ACBD5: variants seen among roughly 807,000 people sequenced by gnomAD.
ACBD5 encodes the protein acyl-CoA-binding domain-containing protein 5.
A neutral mutation model predicts 71.8 loss-of-function variants in ACBD5; 40 were observed. That is an observed-to-expected ratio of 0.56 (90% confidence interval 0.43 to 0.72). The LOEUF (loss-of-function observed/expected upper bound fraction) is 0.72, where lower values mean the gene tolerates loss of function less well. Among genes scored for constraint, ACBD5 ranks in the 30% least tolerant of loss-of-function variants. ACBD5 has a pLI of 0.00. For missense variants in ACBD5, 559 were observed against 644.5 expected, an observed-to-expected ratio of 0.87 and a Z score of 1.44; for synonymous variants, 229 against 218.6, an observed-to-expected ratio of 1.05 and a Z score of -0.42.
Position 27,210,806 on chromosome 10 carries a change from A to G in ACBD5, c.1204+8T>C. On this transcript the variant is annotated splice_region_variant and intron_variant, in intron 9 of 12. Transcript: ENST00000396271. ...TAAAGGTGAGGGAAGAAAAAAGGTAATCCACACCTCTTCCTCTTCTAACAT... is the reference window on the plus strand; with the variant it reads ...TAAAGGTGAGGGAAGAAAAAAGGTAGTCCACACCTCTTCCTCTTCTAACAT... 6.2e-7 allele frequency: 1 copy of G among 1,614,076 alleles called. No individual in the cohort carries two copies. The highest frequency in any genetic ancestry group is 8.5e-7 in the Non-Finnish European group (1 of 1,179,962).
rs984076972 is a variant in ACBD5 at position 27,195,560 on chromosome 10, C to T, written c.*1870G>A. 2.7e-5 allele frequency: 12 copies of T among 450,322 alleles called. 1 individual carries two copies. Among genetic ancestry groups the T allele is most frequent in the African/African-American group, 1.2e-4 (6 of 49,858 alleles). The allele number at this position is 450,322 out of a possible 1,614,324, so 27.9% of individuals were successfully genotyped here. On this transcript the variant is annotated 3_prime_UTR_variant, in exon 13 of 13. Coordinates refer to ENST00000396271, the MANE Select transcript of ACBD5 (RefSeq NM_145698.5). ...CTTTTTACTGATACCAAATTGATATCTCATTTTTGAAAATAATCTTTGATC... is the reference window on the plus strand; with the variant it reads ...CTTTTTACTGATACCAAATTGATATTTCATTTTTGAAAATAATCTTTGATC...
At chr10:27,200,856 G>T (rs1487395581) in intron 12 of ACBD5, among the ~76,000 whole-genome samples, 1 of 152,106 alleles carries the variant, frequency 6.6e-6, no homozygotes, top group Non-Finnish European at 1.5e-5. Context: ...TTGGGGTCTG[G>T]ATTGGGGCCC....
At chr10:27,225,846 G>A (rs1297905767) in intron 4 of ACBD5, among the ~76,000 whole-genome samples, 1 of 151,688 alleles carries the variant, frequency 6.6e-6, no homozygotes, top group Admixed American at 6.6e-5. Context: ...TAAGCCAATT[G>A]CATACCACAT....
downstream of ACBD5, among the ~76,000 whole-genome samples, chr10:27,190,926 G>A (rs11015598): frequency 0.17 from 26,246 of 152,028 alleles, 2,651 homozygotes; most frequent in East Asian, 0.44. Context: ...TTGTGGTGCT[G>A]CACCCTGAAC....
chr10:27,234,300 T>A (rs1332324666), intron 3 of ACBD5, among the ~76,000 whole-genome samples: 1 of 152,190 alleles, frequency 6.6e-6, no homozygotes, highest in Non-Finnish European at 1.5e-5. Flanking sequence ...ATCAAATTTC[T>A]ATTCAATTAC....
chr10:27,186,348 T>C, intron 13 of ACBD5: 1 of 1,599,108 alleles, frequency 6.3e-7, no homozygotes, highest in Non-Finnish European at 8.6e-7. Flanking sequence ...GGTAATGATA[T>C]CATACTGTTT....
chr10:27,239,057 C>A (rs1006098448), intron 2 of ACBD5, among the ~76,000 whole-genome samples: 7 of 152,088 alleles, frequency 4.6e-5, no homozygotes, highest in African/African-American at 1.7e-4. Flanking sequence ...ATTAGCCGGG[C>A]ATGGTGACGC....
At position 27,226,367 on chromosome 10, in the gene ACBD5, C is replaced by T. The variant is rs376561140; in HGVS notation, c.376-2915G>A. 9.9e-5 allele frequency among the ~76,000 whole-genome samples: 15 copies of T among 151,558 alleles called. No homozygotes were observed. The East Asian group carries it at 1.2e-3, about 12-fold the overall frequency. On this transcript the variant is annotated intron_variant, in intron 4 of 12. Coordinates refer to ENST00000396271, the MANE Select transcript of ACBD5 (RefSeq NM_145698.5). ...AACATACACAAACCAAGAATGATCC[C>T]CAGCCATTTGCAAAATTATCTCCCT...
At position 27,240,786 on chromosome 10, in the gene ACBD5, C is replaced by T. The variant is rs900569009; in HGVS notation, c.-98G>A. On this transcript the variant is annotated 5_prime_UTR_variant, in exon 1 of 13. Coordinates refer to ENST00000396271, the MANE Select transcript of ACBD5 (RefSeq NM_145698.5). The surrounding 1 kb of genome is among the most constrained non-coding windows in gnomAD (Gnocchi z 4.1). ...GGAGCAGCCACACCCCCCATTCCGC[C>T]GGAGTCCGTCTGTCAGTCCGTGCCC... 5.9e-6 allele frequency: 9 copies of T among 1,527,134 alleles called. No homozygotes were observed. Among genetic ancestry groups the T allele is most frequent in the East Asian group, 2.5e-5 (1 of 40,772 alleles). The allele number at this position is 1,527,134 out of a possible 1,614,324, so 94.6% of individuals were successfully genotyped here.
intron 13 of ACBD5, among the ~76,000 whole-genome samples, chr10:27,184,335 A>C (rs1379472731): frequency 2.0e-5 from 3 of 152,180 alleles, no homozygotes; most frequent in African/African-American, 7.2e-5. Context: ...GTGAGGGAGC[A>C]GACATTTGGA....
chr10:27,201,940 C>CAT (rs2059969392), intron 12 of ACBD5, among the ~76,000 whole-genome samples: 1 of 152,152 alleles, frequency 6.6e-6, no homozygotes, highest in Non-Finnish European at 1.5e-5. Context: ...GGGATTCAGT[C>CAT]ATAGACTCAA....
intron 4 of ACBD5, among the ~76,000 whole-genome samples, chr10:27,225,058 C>T (rs2062835769): frequency 6.8e-6 from 1 of 146,332 alleles, no homozygotes. Flanking sequence ...GAACTGGCTC[C>T]CTCTCTCTCG....
intron 9 of ACBD5, 77 bp from the exon 10 acceptor site, chr10:27,208,522 TG>T: frequency 6.6e-7 from 1 of 1,523,902 alleles, no homozygotes; most frequent in Non-Finnish European, 9.0e-7. Flanking sequence ...CATTTTCCTC[TG>T]TTATTTCTTT....
chr10:27,213,545 G>A (rs1457824098), intron 8 of ACBD5, among the ~76,000 whole-genome samples: 2 of 152,096 alleles, frequency 1.3e-5, no homozygotes, highest in African/African-American at 4.8e-5. Context: ...ATTACCTGAG[G>A]TCAGGAGTTC....
chr10:27,197,250 A>C lies in ACBD5; in HGVS notation c.*180T>G, dbSNP rs547264197. ...CAAGTATCAGCAATATTAGTCCTTA[A>C]AATGTTATCGTTTGTGTAGTGCAAA... On this transcript the variant is annotated 3_prime_UTR_variant, in exon 13 of 13. Transcript: ENST00000396271. 1.0e-5 allele frequency: 7 copies of C among 697,500 alleles called. No homozygotes were observed. In the East Asian group the frequency reaches 1.7e-4, roughly 17 times the overall value. The allele number at this position is 697,500 out of a possible 1,614,324, so 43.2% of individuals were successfully genotyped here.
intron 6 of ACBD5, 99 bp downstream of exon 6, chr10:27,219,624 A>C: frequency 2.7e-6 from 4 of 1,507,884 alleles, no homozygotes; most frequent in East Asian, 2.3e-5. Flanking sequence ...ACATCCCACC[A>C]CCTGCTTTAA....
upstream of ACBD5, chr10:27,241,974 G>A (rs546839033): frequency 5.7e-5 from 25 of 441,990 alleles, no homozygotes; most frequent in South Asian, 9.4e-5. Context: ...GTCAGTTAGG[G>A]GGATGGGTTA....
chr10:27,240,546 G>C lies in ACBD5; in HGVS notation c.16-62C>G. ...CAAAAGGAGGAGGCCCGGGAGCGAA[G>C]CGGGTCAGTTCCCCTTTGCCCTGCC... On this transcript the variant is annotated intron_variant, in intron 1 of 12. Coordinates refer to ENST00000396271, the MANE Select transcript of ACBD5 (RefSeq NM_145698.5). This position sits in a 1 kb window ranked among gnomAD's most constrained non-coding sequence, Gnocchi z 4.1. 1 of 1,551,216 alleles carries C rather than the reference G, an allele frequency of 6.4e-7. No individual in the cohort carries two copies. Among genetic ancestry groups the C allele is most frequent in the Non-Finnish European group, 8.7e-7 (1 of 1,146,050 alleles).
Position 27,229,453 on chromosome 10 carries a change from G to A in ACBD5, c.375+2295C>T, listed in dbSNP as rs144520249. ...TAAAAATACTAAAAATTAGCTGGGC[G>A]TGACGGCATGCCTCTGTAATCCCAG... On this transcript the variant is annotated intron_variant, in intron 4 of 12. Coordinates refer to ENST00000396271, the MANE Select transcript of ACBD5 (RefSeq NM_145698.5). Among the ~76,000 whole-genome samples the A allele has an allele frequency of 3.9e-3, 598 of 151,914 alleles. 6 individuals are homozygous for A. The highest frequency in any genetic ancestry group is 0.014 in the African/African-American group (565 of 41,464).
Sources: gnomAD v4.1 joint callset for allele counts (sites outside exome capture counted in the v4.1 genomes callset) on GRCh38, gnomAD v4.1.1 for gene constraint, Gnocchi (gnomAD v3.1) non-coding constraint, MANE v1.5 for transcripts, NCBI Gene and HGNC (gene_info 2026-07-23, HGNC 2026-07-21) for gene names.